The following UNC13A variants were observed in gnomAD, a reference collection of about 807,000 sequenced individuals.
The protein encoded by UNC13A is protein unc-13 homolog A.
UNC13A carries 61 observed loss-of-function variants against 219.7 expected under a neutral mutation model. The ratio of observed to expected loss-of-function variants is 0.28; its 90% confidence interval spans 0.23 to 0.34. The LOEUF (loss-of-function observed/expected upper bound fraction) is 0.34. Among genes scored for constraint, UNC13A ranks in the 10% least tolerant of loss-of-function variants. The pLI is 1.00. For synonymous variants in UNC13A, 920 were observed against 884.6 expected, an observed-to-expected ratio of 1.04 and a Z score of -0.71; for missense variants, 1,476 against 2,270.3, an observed-to-expected ratio of 0.65 and a Z score of 7.11.
Position 17,676,052 on chromosome 19 carries a change from A to G in UNC13A, c.23-11T>C. ...ACTTGGCTTTTTTGACTGTGGAGAG[A>G]GACAGAGATAGGGAAGGGAGGTGGG... On this transcript the variant is annotated splice_polypyrimidine_tract_variant and intron_variant, in intron 1 of 43. Coordinates refer to ENST00000519716, the MANE Select transcript of UNC13A (RefSeq NM_001080421.3). 1 of 1,551,712 alleles carries G rather than the reference A, an allele frequency of 6.4e-7. No homozygotes were observed. Among genetic ancestry groups the G allele is most frequent in the South Asian group, 1.2e-5 (1 of 84,058 alleles).
At chr19:17,687,904 C>T (rs2080145100) in intron 1 of UNC13A, among the ~76,000 whole-genome samples, 1 of 152,008 alleles carries the variant, frequency 6.6e-6, no homozygotes, top group African/African-American at 2.4e-5. Flanking sequence ...GGTAGAACCC[C>T]GGATACCCGT....
intron 42 of UNC13A, 92 bp from the exon 43 acceptor site, chr19:17,610,191 C>T (rs578258131): frequency 4.5e-6 from 7 of 1,554,558 alleles, no homozygotes; most frequent in Non-Finnish European, 5.3e-6. Context: ...CAAGGCTGGG[C>T]GCAGTGGCTC....
intron 8 of UNC13A, among the ~76,000 whole-genome samples, chr19:17,662,705 G>A (rs2079571790): frequency 6.6e-6 from 1 of 152,034 alleles, no homozygotes; most frequent in African/African-American, 2.4e-5. Flanking sequence ...TGGATCACGA[G>A]GTCAGGAGAT....
At chr19:17,645,944 G>A in intron 18 of UNC13A, 26 bp downstream of exon 18, 1 of 1,608,074 alleles carries the variant, frequency 6.2e-7, no homozygotes, top group East Asian at 2.2e-5. Context: ...CCCCACATGG[G>A]GCCAGGGACC....
intron 41 of UNC13A, chr19:17,616,391 G>A (rs1021787841): frequency 2.9e-6 from 2 of 691,138 alleles, no homozygotes; most frequent in East Asian, 2.8e-5. Context: ...CGGCGGGCGG[G>A]AGGCGGAGGC....
At position 17,645,744 on chromosome 19, in the gene UNC13A, G is replaced by A. The variant is rs1251619598; in HGVS notation, c.2286C>T (p.Asp762=). The A allele has an allele frequency of 6.8e-6, 11 of 1,614,188 alleles. No individual in the cohort carries two copies. The highest frequency in any genetic ancestry group is 1.1e-5 in the South Asian group (1 of 91,084). The change falls in exon 19 of 44, where the codon GAC becomes GAT. Residue 762 remains aspartate, a synonymous_variant. Coordinates refer to ENST00000519716, the MANE Select transcript of UNC13A (RefSeq NM_001080421.3). The part of the protein sequence containing the change: ...RVKQRFKRES[D]DFLGQTIIEV... Reference sequence around the variant, plus strand: ...CAATGATCGTCTGCCCCAGGAAATCGTCAGATTCCCTCTTGAACCTCTGTT... The same window carrying A: ...CAATGATCGTCTGCCCCAGGAAATCATCAGATTCCCTCTTGAACCTCTGTT...
chr19:17,630,872 C>A, intron 28 of UNC13A, 122 bp from the exon 29 acceptor site: 1 of 834,862 alleles, frequency 1.2e-6, no homozygotes, highest in Non-Finnish European at 1.9e-6. Context: ...GGAGCTCTCC[C>A]TGCAGCCTTG....
At chr19:17,639,595 G>A in intron 23 of UNC13A, 70 bp from the exon 24 acceptor site, 1 of 1,523,070 alleles carries the variant, frequency 6.6e-7, no homozygotes, top group South Asian at 1.2e-5. Context: ...TGCTTTTCAG[G>A]GGGATACAAA....
Position 17,627,121 on chromosome 19 carries a change from G to A in UNC13A, c.3921-336C>T, listed in dbSNP as rs544235953. 7.5e-4 allele frequency among the ~76,000 whole-genome samples: 114 copies of A among 151,818 alleles called. No individual in the cohort carries two copies. Among genetic ancestry groups the A allele is most frequent in the Non-Finnish European group, 1.0e-3 (69 of 67,958 alleles). Reference sequence around the variant, plus strand: ...GTGGAGGGTGCAGTGAGCCGAGATCGCGCCACTGCACTCCAGCCTGGTGAC... The same window carrying A: ...GTGGAGGGTGCAGTGAGCCGAGATCACGCCACTGCACTCCAGCCTGGTGAC... On this transcript the variant is annotated intron_variant, in intron 33 of 43. Coordinates refer to ENST00000519716, the MANE Select transcript of UNC13A (RefSeq NM_001080421.3). This position sits in a 1 kb window ranked among gnomAD's most constrained non-coding sequence, Gnocchi z 4.7.
chr19:17,607,515 G>C (rs1387686482), intron 43 of UNC13A, among the ~76,000 whole-genome samples: 4 of 151,152 alleles, frequency 2.6e-5, no homozygotes, highest in Non-Finnish European at 4.4e-5. Flanking sequence ...CTAACCTCAG[G>C]TGATCCACTG....
intron 1 of UNC13A, among the ~76,000 whole-genome samples, chr19:17,684,987 G>A (rs529825835): frequency 1.3e-5 from 2 of 152,266 alleles, no homozygotes; most frequent in East Asian, 3.9e-4. Context: ...GTATGCACTT[G>A]TGTGCAATGA....
chr19:17,668,681 G>A lies in UNC13A; in HGVS notation c.395-491C>T, dbSNP rs548293827. Among the ~76,000 whole-genome samples, 208 of 152,158 alleles carry A rather than the reference G, an allele frequency of 1.4e-3. 1 individual carries two copies. The highest frequency in any genetic ancestry group is 1.6e-3 in the Non-Finnish European group (108 of 68,004). ...TTTTTGTATTTTGAGTAGAGACAGG[G>A]TTTCTCCATGTTGGCCAGGCTGCTC... is the stretch of plus-strand genomic sequence containing the variant. On this transcript the variant is annotated intron_variant, in intron 5 of 43. Transcript: ENST00000519716.
chr19:17,627,120 C>G lies in UNC13A; in HGVS notation c.3921-335G>C, dbSNP rs1369314485. ...AGTGGAGGGTGCAGTGAGCCGAGATCGCGCCACTGCACTCCAGCCTGGTGA... is the reference window on the plus strand; with the variant it reads ...AGTGGAGGGTGCAGTGAGCCGAGATGGCGCCACTGCACTCCAGCCTGGTGA... On this transcript the variant is annotated intron_variant, in intron 33 of 43. Coordinates refer to ENST00000519716, the MANE Select transcript of UNC13A (RefSeq NM_001080421.3). The surrounding 1 kb of genome is among the most constrained non-coding windows in gnomAD (Gnocchi z 4.7). Among the ~76,000 whole-genome samples, 1 of 151,638 alleles carries G rather than the reference C, an allele frequency of 6.6e-6. No individual in the cohort carries two copies. Among genetic ancestry groups the G allele is most frequent in the Non-Finnish European group, 1.5e-5 (1 of 67,926 alleles).
chr19:17,618,397 A>G, intron 40 of UNC13A, 24 bp downstream of exon 40: 1 of 1,559,996 alleles, frequency 6.4e-7, no homozygotes, highest in Non-Finnish European at 8.7e-7. Flanking sequence ...CCCACCTGGG[A>G]TGGGGAGGGG....
chr19:17,656,023 G>C lies in UNC13A; in HGVS notation c.1143C>G (p.Ala381=). The C allele has an allele frequency of 6.4e-7, 1 of 1,571,906 alleles. No homozygotes were observed. Among genetic ancestry groups the C allele is most frequent in the Non-Finnish European group, 8.6e-7 (1 of 1,158,196 alleles). Residue 381 remains alanine (A), a synonymous_variant, in exon 10 of 44, where the codon GCC becomes GCG. Transcript: ENST00000519716. ...DFKRISLPPA[A]PGKEDKAPVA... is the part of the protein sequence containing the mutation. ...CTGGGGCCTTGTCCTCCTTCCCTGG[G>C]GCAGCTGGCGGGAGGCTGATGCGTT...
intron 9 of UNC13A, 68 bp from the exon 10 acceptor site, chr19:17,656,466 C>T (rs2079456557): frequency 7.2e-7 from 1 of 1,397,340 alleles, no homozygotes; most frequent in African/African-American, 1.4e-5. Context: ...CCCAGTCACA[C>T]AGGCATTGAC....
At position 17,611,775 on chromosome 19, in the gene UNC13A, C is replaced by A; in HGVS notation, c.4639G>T (p.Val1547Phe). Reference sequence around the variant, plus strand: ...TCAGACCACTCACCTTTCACTGTGACCTTGTGTTCCCCAGTTCCTGGATGA... The same window carrying A: ...TCAGACCACTCACCTTTCACTGTGAACTTGTGTTCCCCAGTTCCTGGATGA... ...FTHPGTGEHK[V>F]TVKVVAANDL... The change falls in exon 42 of 44, where the codon GTC (valine) becomes TTC (phenylalanine). Residue 1547 changes from valine to phenylalanine, a missense_variant. Val to Phe is a conservative substitution (Grantham distance 50, BLOSUM62 -1). Transcript: ENST00000519716. The A allele has an allele frequency of 6.2e-7, 1 of 1,614,124 alleles. No individual in the cohort carries two copies. The highest frequency in any genetic ancestry group is 8.5e-7 in the Non-Finnish European group (1 of 1,179,966).
intron 31 of UNC13A, 152 bp from the exon 32 acceptor site, chr19:17,628,092 T>A: frequency 1.5e-6 from 1 of 686,310 alleles, no homozygotes; most frequent in South Asian, 1.7e-5. Context: ...AGGGAGCTTT[T>A]GTGCTCAGGT....
chr19:17,670,937 A>AT (rs1246162083), intron 4 of UNC13A, among the ~76,000 whole-genome samples: 1 of 150,000 alleles, frequency 6.7e-6, no homozygotes, highest in African/African-American at 2.5e-5. Context: ...ATAAAATAAA[A>AT]TAAAATAAAA....
Sources: allele counts gnomAD v4.1 joint callset (sites outside exome capture counted in the v4.1 genomes callset), GRCh38; gene constraint gnomAD v4.1.1; non-coding constraint Gnocchi (gnomAD v3.1); transcripts MANE v1.5; gene names NCBI Gene and HGNC (gene_info 2026-07-23, HGNC 2026-07-21).